CAPN2: variants seen among roughly 807,000 people sequenced by gnomAD.
The protein encoded by CAPN2 is calpain-2 catalytic subunit.
In CAPN2, 92 loss-of-function variants were observed where a neutral mutation model predicts 102.3. The ratio of observed to expected loss-of-function variants is 0.90; its 90% CI spans 0.76 to 1.07. The LOEUF (loss-of-function observed/expected upper bound fraction) is 1.07. CAPN2 is among the 50% of genes least tolerant of loss of function. The pLI, the probability that CAPN2 is intolerant of heterozygous loss-of-function variation, is 0.00. For missense variants in CAPN2, 800 were observed against 909.4 expected, an observed-to-expected ratio of 0.88 and a Z score of 1.55; for synonymous variants, 340 against 355.4, an observed-to-expected ratio of 0.96 and a Z score of 0.49.
chr1:223,703,060 G>C (rs1016961256), intron 1 of CAPN2, among the ~76,000 whole-genome samples: 7 of 152,186 alleles, frequency 4.6e-5, no homozygotes, highest in African/African-American at 1.2e-4. Context: ...GTGCTGACAA[G>C]TAAGGCTTAG....
intron 1 of CAPN2, among the ~76,000 whole-genome samples, chr1:223,702,201 G>A (rs1473749447): frequency 6.6e-6 from 1 of 151,216 alleles, no homozygotes; most frequent in Admixed American, 6.6e-5. Flanking sequence ...CGAGGTGGGT[G>A]GATGATTTGA....
intron 2 of CAPN2, among the ~76,000 whole-genome samples, chr1:223,740,911 T>G (rs1244261299): frequency 2.6e-5 from 4 of 152,244 alleles, no homozygotes; most frequent in Non-Finnish European, 5.9e-5. Context: ...CAGAGGAGAC[T>G]GTTTTGGTTA....
intron 1 of CAPN2, among the ~76,000 whole-genome samples, chr1:223,716,079 A>G (rs10495215): frequency 0.11 from 16,239 of 152,294 alleles, 927 homozygotes; most frequent in African/African-American, 0.13. Flanking sequence ...CTAGGTTATC[A>G]GAATAATGCA....
In CAPN2 at chr1:223,759,904, G is replaced by T. The variant is rs970040256; in HGVS notation, c.1529+423G>T. 6.6e-6 allele frequency among the ~76,000 whole-genome samples: 1 copy of T among 151,708 alleles called. No homozygotes were observed. Among genetic ancestry groups the T allele is most frequent in the Non-Finnish European group, 1.5e-5 (1 of 67,936 alleles). On this transcript the variant is annotated intron_variant, in intron 12 of 20. Transcript: ENST00000295006. The surrounding 1 kb of genome is among the most constrained non-coding windows in gnomAD (Gnocchi z 4.6). ...GGTGTAAGGTGGGAACCATCTCAAC[G>T]GTTCCCACCTCCAGAACCTCTCCCT... is the stretch of plus-strand genomic sequence containing the variant.
chr1:223,704,241 A>T lies in CAPN2; in HGVS notation c.3+2410A>T, dbSNP rs1386345840. 3.9e-5 allele frequency among the ~76,000 whole-genome samples: 6 copies of T among 152,148 alleles called. 1 individual carries two copies. Among genetic ancestry groups the T allele is most frequent in the Admixed American group, 3.9e-4 (6 of 15,266 alleles). On this transcript the variant is annotated intron_variant, in intron 1 of 20. Coordinates refer to the CAPN2 transcript ENST00000433674. ...AGTGGGTAGAGGTCGCGGTGAGTCG[A>T]GATCACGCCACTGCACTCCAGCCTG... is the stretch of plus-strand genomic sequence containing the variant.
In CAPN2 at chr1:223,757,355, C is replaced by T. The variant is rs191547538; in HGVS notation, c.1306-14C>T. On this transcript the variant is annotated splice_polypyrimidine_tract_variant and intron_variant, in intron 10 of 20. Coordinates refer to ENST00000295006, the MANE Select transcript of CAPN2 (RefSeq NM_001748.5). ...CTTTTCCGGCATCTGAATTGCATCT[C>T]CTTTATTTTGCAGGTTCCAGAGGAG... 2.3e-3 allele frequency: 3,783 copies of T among 1,614,190 alleles called. 5 individuals carry two copies. The highest frequency in any genetic ancestry group is 3.0e-3 in the Admixed American group (178 of 60,026).
chr1:223,752,903 T>C lies in CAPN2; in HGVS notation c.1082T>C (p.Met361Thr). ...DTYKKWKLTK[M>T]DGNWRRGSTA... ...TACAAGAAGTGGAAACTCACCAAAATGGATGGGAACTGGAGGCGGGGCTCC... is the reference window on the plus strand; with the variant it reads ...TACAAGAAGTGGAAACTCACCAAAACGGATGGGAACTGGAGGCGGGGCTCC... Residue 361 changes from methionine to threonine, a missense_variant, in exon 9 of 21, where the codon ATG becomes ACG. Transcript: ENST00000295006. The C allele has an allele frequency of 1.2e-6, 2 of 1,614,036 alleles. No individual in the cohort carries two copies. The highest frequency in any genetic ancestry group is 1.7e-6 in the Non-Finnish European group (2 of 1,179,982).
intron 4 of CAPN2, among the ~76,000 whole-genome samples, chr1:223,746,475 CTTTT>C (rs60366533): frequency 9.2e-6 from 1 of 108,480 alleles, no homozygotes; most frequent in Admixed American, 1.0e-4. Context: ...CTACGAGAAT[CTTTT>C]TTTTTTTTTT....
At chr1:223,746,496 T>C (rs74532858) in intron 4 of CAPN2, among the ~76,000 whole-genome samples, 2 of 149,086 alleles carry the variant, frequency 1.3e-5, no homozygotes, top group Admixed American at 1.3e-4. Flanking sequence ...TTTTTTTTTT[T>C]AATACGGAGC....
chr1:223,769,976 G>A, intron 17 of CAPN2, 67 bp downstream of exon 17: 1 of 1,187,628 alleles, frequency 8.4e-7, no homozygotes, highest in Non-Finnish European at 1.2e-6. Flanking sequence ...TTAAGATGCA[G>A]CAACTCCTGC....
chr1:223,766,340 T>A, intron 15 of CAPN2, 27 bp from the exon 16 acceptor site: 1 of 1,587,730 alleles, frequency 6.3e-7, no homozygotes, highest in Non-Finnish European at 8.7e-7. Flanking sequence ...CAGAGATTTT[T>A]CCTGTCACAC....
At chr1:223,752,120 T>A (rs752414133) in intron 8 of CAPN2, 49 bp downstream of exon 8, 1 of 1,313,794 alleles carries the variant, frequency 7.6e-7, no homozygotes, top group East Asian at 2.3e-5. Context: ...CCCAATGTTC[T>A]TTACTAGAAA....
At chr1:223,761,514 G>T in intron 12 of CAPN2, 67 bp from the exon 13 acceptor site, 2 of 1,324,446 alleles carry the variant, frequency 1.5e-6, no homozygotes, top group Admixed American at 1.7e-5. Flanking sequence ...TTCCATTTTA[G>T]CAGTGATTTC....
At chr1:223,723,283 G>A (rs1322535114) in intron 2 of CAPN2, among the ~76,000 whole-genome samples, 2 of 152,094 alleles carry the variant, frequency 1.3e-5, no homozygotes, top group East Asian at 3.9e-4. Flanking sequence ...GCCTGGTTCT[G>A]GAGCCACTGC....
chr1:223,766,433 T>C lies in CAPN2; in HGVS notation c.1755+2T>C, dbSNP rs1661332912. 2 of 1,606,652 alleles carry C rather than the reference T, an allele frequency of 1.2e-6. No individual in the cohort carries two copies. The highest frequency in any genetic ancestry group is 1.7e-6 in the Non-Finnish European group (2 of 1,173,114). ...AAAATTATGGTTGACATGCTAGATG[T>C]ATCCTTTAATGTGCTCCAGGGAATA... On this transcript the variant is annotated splice_donor_variant, in intron 16 of 20. Transcript: ENST00000295006. LOFTEE classifies it high-confidence loss of function.
intron 5 of CAPN2, among the ~76,000 whole-genome samples, chr1:223,748,244 C>A (rs1252869847): frequency 1.3e-5 from 2 of 152,246 alleles, no homozygotes; most frequent in African/African-American, 4.8e-5. Context: ...AGCCTTGGAG[C>A]AAAGGCTGTG....
chr1:223,755,724 G>A lies in CAPN2; in HGVS notation c.1305+75G>A, dbSNP rs1661018945. The A allele has an allele frequency of 2.9e-6, 4 of 1,380,656 alleles. No individual in the cohort carries two copies. Among genetic ancestry groups the A allele is most frequent in the African/African-American group, 1.5e-5 (1 of 67,990 alleles). The allele number at this position is 1,380,656 out of a possible 1,614,324, so 85.5% of individuals were successfully genotyped here. A position where few individuals can be genotyped will look rare whatever the true frequency, so the allele number is the denominator to read the frequency against. ...GCCCCTGCATGGAAAGCTGACCCCA[G>A]AGGCAGAACTGGGGATGGGATCCCA... On this transcript the variant is annotated intron_variant, in intron 10 of 20. Coordinates refer to ENST00000295006, the MANE Select transcript of CAPN2 (RefSeq NM_001748.5). This position sits in a 1 kb window ranked among gnomAD's most constrained non-coding sequence, Gnocchi z 4.1.
At chr1:223,733,850 G>A (rs1660387215) in intron 2 of CAPN2, among the ~76,000 whole-genome samples, 1 of 152,214 alleles carries the variant, frequency 6.6e-6, no homozygotes, top group Admixed American at 6.5e-5. Flanking sequence ...ACACTAAAAA[G>A]TCTTTGAACA....
intron 4 of CAPN2, among the ~76,000 whole-genome samples, chr1:223,745,856 G>T (rs2102797808): frequency 6.6e-6 from 1 of 152,314 alleles, no homozygotes; most frequent in Non-Finnish European, 1.5e-5. Context: ...GGACACATTT[G>T]TATCAACTTA....
Sources: allele counts gnomAD v4.1 joint callset (sites outside exome capture counted in the v4.1 genomes callset), GRCh38; gene constraint gnomAD v4.1.1; non-coding constraint Gnocchi (gnomAD v3.1); transcripts MANE v1.5; gene names NCBI Gene and HGNC (gene_info 2026-07-23, HGNC 2026-07-21).